The following PGM1 variants were observed in gnomAD, a reference collection of about 807,000 sequenced individuals.
The protein encoded by PGM1 is phosphoglucomutase 1, also known as phosphoglucomutase-1.
PGM1 carries 52 observed loss-of-function variants against 55.6 expected under a neutral mutation model. The ratio of observed to expected loss-of-function variants is 0.94; its 90% CI spans 0.75 to 1.18. The LOEUF (loss-of-function observed/expected upper bound fraction) is 1.18, where lower values mean the gene tolerates loss of function less well. Among genes scored for constraint, PGM1 ranks in the 50% most tolerant of loss-of-function variants. PGM1 has a pLI of 0.00. For synonymous variants in PGM1, 287 were observed against 271.7 expected (o/e 1.06, Z -0.55); for missense variants, 724 against 729.3 (o/e 0.99, Z 0.08).
intron 1 of PGM1, among the ~76,000 whole-genome samples, chr1:63,606,352 A>G (rs1457147798): frequency 6.6e-6 from 1 of 152,230 alleles, no homozygotes; most frequent in Admixed American, 6.5e-5. Context: ...TAAAGTACTT[A>G]AAAGTTGATA....
intron 1 of PGM1, among the ~76,000 whole-genome samples, chr1:63,604,954 TG>T (rs1557703421): frequency 0.01 from 1,443 of 139,144 alleles, 28 homozygotes; most frequent in African/African-American, 0.041. Flanking sequence ...TGTGTGTGTG[TG>T]TGTGTAAAGA....
At chr1:63,652,915 G>A (rs1476299457) in intron 9 of PGM1, among the ~76,000 whole-genome samples, 2 of 152,202 alleles carry the variant, frequency 1.3e-5, no homozygotes, top group African/African-American at 4.8e-5. Flanking sequence ...TTATGCCTGA[G>A]ATAATTAGAA....
Position 63,633,926 on chromosome 1 carries a change from ATATATATT to A in PGM1, c.683-901_683-894del, listed in dbSNP as rs1451957575. ...TGTGTGTGTGTGTGTGTGTATATATATATATATTTTTTTTTTTTTTTTTTTTTTTTTTT... is the reference window on the plus strand; with the variant it reads ...TGTGTGTGTGTGTGTGTGTATATATATTTTTTTTTTTTTTTTTTTTTTTTT... On this transcript the variant is annotated intron_variant, in intron 4 of 10. Coordinates refer to ENST00000371084, the MANE Select transcript of PGM1 (RefSeq NM_002633.3). Among the ~76,000 whole-genome samples the A allele has an allele frequency of 2.6e-3, 169 of 64,780 alleles. 15 individuals carry two copies. The highest frequency in any genetic ancestry group is 0.016 in the African/African-American group (163 of 10,396). 42.5% of individuals were successfully genotyped at this position (64,780 alleles called of 152,430 possible).
intron 1 of PGM1, among the ~76,000 whole-genome samples, chr1:63,605,634 TG>T (rs1648398367): frequency 6.6e-6 from 1 of 152,118 alleles, no homozygotes; most frequent in South Asian, 2.1e-4. Context: ...CTGAGTGCAG[TG>T]GTGTGATCAT....
intron 4 of PGM1, among the ~76,000 whole-genome samples, chr1:63,632,327 C>T (rs572506962): frequency 6.6e-6 from 1 of 152,276 alleles, no homozygotes; most frequent in Non-Finnish European, 1.5e-5. Context: ...ACCAGAACCA[C>T]GAGGGTTTTC....
chr1:63,605,923 A>G (rs1039352135), intron 1 of PGM1, among the ~76,000 whole-genome samples: 1 of 152,228 alleles, frequency 6.6e-6, no homozygotes, highest in Non-Finnish European at 1.5e-5. Flanking sequence ...TGCTTACTGT[A>G]TAGCTGATTT....
chr1:63,621,484 T>C (rs1015555593), intron 1 of PGM1, among the ~76,000 whole-genome samples: 1 of 152,184 alleles, frequency 6.6e-6, no homozygotes, highest in African/African-American at 2.4e-5. Flanking sequence ...GGATCTATTA[T>C]CGGATATGTC....
Position 63,635,027 on chromosome 1 carries a change from T to G in PGM1, c.873+8T>G, listed in dbSNP as rs371296218. 2 of 1,610,038 alleles carry G rather than the reference T, an allele frequency of 1.2e-6. No individual in the cohort carries two copies. Among genetic ancestry groups the G allele is most frequent in the African/African-American group, 2.7e-5 (2 of 74,792 alleles). Reference sequence around the variant, plus strand: ...GCCTTTGATGGAGATGGGGTGGGTATAAGTGCATTTAAGTGAACTCTGGTG... The same window carrying G: ...GCCTTTGATGGAGATGGGGTGGGTAGAAGTGCATTTAAGTGAACTCTGGTG... On this transcript the variant is annotated splice_region_variant and intron_variant, in intron 5 of 10. Transcript: ENST00000371084.
intron 8 of PGM1, among the ~76,000 whole-genome samples, chr1:63,650,052 C>T (rs948850999): frequency 6.6e-6 from 1 of 152,122 alleles, no homozygotes; most frequent in African/African-American, 2.4e-5. Context: ...TCACAATCCT[C>T]CATATAAAAA....
chr1:63,596,286 T>C (rs1386128643), intron 1 of PGM1, among the ~76,000 whole-genome samples: 22 of 142,018 alleles, frequency 1.5e-4, no homozygotes, highest in East Asian at 1.0e-3. Context: ...TGAGACGGAG[T>C]CTTACTCTGT....
chr1:63,644,722 T>C (rs184329758), intron 7 of PGM1, among the ~76,000 whole-genome samples: 1 of 152,366 alleles, frequency 6.6e-6, no homozygotes, highest in Non-Finnish European at 1.5e-5. Context: ...GTTAGCATTA[T>C]TTCTGTTTTG....
At chr1:63,619,186 T>C (rs2100973430) in intron 1 of PGM1, among the ~76,000 whole-genome samples, 1 of 152,356 alleles carries the variant, frequency 6.6e-6, no homozygotes, top group Admixed American at 6.5e-5. Flanking sequence ...GTCAGGGGTC[T>C]ACCCCATTTG....
At chr1:63,607,169 C>T (rs1389348116) in intron 1 of PGM1, among the ~76,000 whole-genome samples, 1 of 152,216 alleles carries the variant, frequency 6.6e-6, no homozygotes, top group Non-Finnish European at 1.5e-5. Flanking sequence ...AGTCTACTTT[C>T]AGTCTCTACG....
At chr1:63,599,303 C>T (rs1648165995) in intron 1 of PGM1, among the ~76,000 whole-genome samples, 1 of 152,024 alleles carries the variant, frequency 6.6e-6, no homozygotes, top group South Asian at 2.1e-4. Flanking sequence ...GTAGGTGGGA[C>T]TACAGGCGTG....
intron 1 of PGM1, among the ~76,000 whole-genome samples, chr1:63,605,198 T>A (rs1423264023): frequency 6.6e-6 from 1 of 152,146 alleles, no homozygotes; most frequent in Non-Finnish European, 1.5e-5. Context: ...TTTGGGGCTG[T>A]ACAGCTTATG....
chr1:63,624,436 C>A (rs920894280), intron 1 of PGM1, among the ~76,000 whole-genome samples: 1 of 152,138 alleles, frequency 6.6e-6, no homozygotes, highest in Non-Finnish European at 1.5e-5. Context: ...TCGTGAAAAA[C>A]CGTGTTGGCT....
intron 1 of PGM1, among the ~76,000 whole-genome samples, chr1:63,603,218 G>A (rs962123664): frequency 2.0e-5 from 3 of 152,164 alleles, no homozygotes; most frequent in Non-Finnish European, 2.9e-5. Context: ...AACCTTTCAG[G>A]TGTCCCAGGT....
At chr1:63,625,725 T>C (rs1038161467) in intron 1 of PGM1, among the ~76,000 whole-genome samples, 4 of 152,238 alleles carry the variant, frequency 2.6e-5, no homozygotes, top group African/African-American at 9.6e-5. Flanking sequence ...TTATTTTTTT[T>C]CCCTTTACCA....
At chr1:63,613,875 T>C (rs928589062) in intron 1 of PGM1, among the ~76,000 whole-genome samples, 4 of 152,132 alleles carry the variant, frequency 2.6e-5, no homozygotes, top group Non-Finnish European at 5.9e-5. Flanking sequence ...CTCTTAATTT[T>C]CTTCAAGTTT....
Sources: allele counts gnomAD v4.1 joint callset (sites outside exome capture counted in the v4.1 genomes callset), GRCh38; gene constraint gnomAD v4.1.1; transcripts MANE v1.5; gene names NCBI Gene and HGNC (gene_info 2026-07-23, HGNC 2026-07-21).